Variants in PRKCB observed in about 807,000 individuals in gnomAD.
PRKCB encodes the protein protein kinase C beta type.
In PRKCB, 13 loss-of-function variants were observed where a neutral mutation model predicts 81.5. That is an observed-to-expected ratio of 0.16 (90% CI 0.10 to 0.25). PRKCB has a LOEUF of 0.25. PRKCB is among the 10% of genes least tolerant of loss of function. The pLI is 1.00. For missense variants in PRKCB, 509 were observed against 875.7 expected, an observed-to-expected ratio of 0.58 and a Z score of 5.29; for synonymous variants, 335 against 321.4, an observed-to-expected ratio of 1.04 and a Z score of -0.45.
intron 10 of PRKCB, among the ~76,000 whole-genome samples, chr16:24,162,284 G>C (rs1967268965): frequency 6.6e-6 from 1 of 152,008 alleles, no homozygotes; most frequent in Non-Finnish European, 1.5e-5. Flanking sequence ...GCTCTGGGCT[G>C]GCAGCAGTAC....
At chr16:24,191,362 C>A in intron 16 of PRKCB, 132 bp downstream of exon 16, 1 of 951,512 alleles carries the variant, frequency 1.1e-6, no homozygotes, top group Non-Finnish European at 1.6e-6. Flanking sequence ...TATGTATTCA[C>A]ACATATGCAC....
At chr16:24,031,357 G>A (rs567927821) in intron 3 of PRKCB, among the ~76,000 whole-genome samples, 8 of 152,290 alleles carry the variant, frequency 5.3e-5, no homozygotes, top group African/African-American at 1.9e-4. Context: ...CCAAGTTTGG[G>A]TCCAGGACAG....
intron 9 of PRKCB, among the ~76,000 whole-genome samples, chr16:24,149,526 C>G (rs573922088): frequency 3.9e-5 from 6 of 152,140 alleles, no homozygotes; most frequent in Non-Finnish European, 7.3e-5. Context: ...CTCCTAGCCA[C>G]CTTATTAAAT....
Position 24,219,870 on chromosome 16 carries a change from G to A in PRKCB, c.*5054G>A. 1 of 1,504,900 alleles carries A rather than the reference G, an allele frequency of 6.6e-7. No individual in the cohort carries two copies. The highest frequency in any genetic ancestry group is 1.4e-5 in the African/African-American group (1 of 71,772). The allele number at this position is 1,504,900 out of a possible 1,614,324, so 93.2% of individuals were successfully genotyped here. A position where few individuals can be genotyped will look rare whatever the true frequency, so the allele number is the denominator to read the frequency against. ...CAGGGCTCTTTCTGACTCTGCTCATGAGATGGTATCAGCCACCCAATGACT... is the reference window on the plus strand; with the variant it reads ...CAGGGCTCTTTCTGACTCTGCTCATAAGATGGTATCAGCCACCCAATGACT... On this transcript the variant is annotated 3_prime_UTR_variant, in exon 17 of 17. Transcript: ENST00000643927.
rs532312092 is a variant in PRKCB at position 24,000,485 on chromosome 16, T to A, written c.288+11895T>A. On this transcript the variant is annotated intron_variant, in intron 3 of 16. Coordinates refer to ENST00000643927, the MANE Select transcript of PRKCB (RefSeq NM_002738.7). ...GATACTCATTAGGAAAACTTGGGCA[T>A]GTCGTTCGACTTCTCTATGCCCTAG... Among the ~76,000 whole-genome samples the A allele has an allele frequency of 4.6e-5, 7 of 152,366 alleles. No homozygotes were observed. The South Asian group carries it at 1.5e-3, about 32-fold the overall frequency.
At chr16:24,098,762 T>C (rs1277211965) in intron 7 of PRKCB, 2 of 152,180 alleles carry the variant, frequency 1.3e-5, no homozygotes, top group Non-Finnish European at 2.9e-5. Flanking sequence ...AAAGTTAACA[T>C]GTATCTTTGC....
intron 3 of PRKCB, among the ~76,000 whole-genome samples, chr16:24,004,144 T>C (rs1171104618): frequency 6.6e-6 from 1 of 152,014 alleles, no homozygotes; most frequent in Non-Finnish European, 1.5e-5. Context: ...CTGGAAAGCA[T>C]AAATTTAGAT....
At chr16:24,009,060 T>G (rs1016148312) in intron 3 of PRKCB, among the ~76,000 whole-genome samples, 3 of 152,204 alleles carry the variant, frequency 2.0e-5, no homozygotes, top group Non-Finnish European at 2.9e-5. Flanking sequence ...AAATATTCCA[T>G]CATATGCATA....
intron 2 of PRKCB, among the ~76,000 whole-genome samples, chr16:23,977,803 C>G (rs538903333): frequency 6.6e-6 from 1 of 152,254 alleles, no homozygotes; most frequent in Non-Finnish European, 1.5e-5. Context: ...TCTAGCTTGT[C>G]TGTGTTGGGG....
chr16:24,037,964 G>C (rs780125356), intron 5 of PRKCB, among the ~76,000 whole-genome samples: 14 of 152,094 alleles, frequency 9.2e-5, no homozygotes, highest in Non-Finnish European at 1.9e-4. Flanking sequence ...GAGGTGGGTG[G>C]ATCACTTGAA....
At chr16:23,856,399 A>G (rs1265223701) in intron 2 of PRKCB, among the ~76,000 whole-genome samples, 1 of 152,198 alleles carries the variant, frequency 6.6e-6, no homozygotes, top group Non-Finnish European at 1.5e-5. Flanking sequence ...TATGTTTTTT[A>G]AACTGTGGGT....
At chr16:24,013,781 CAAA>C (rs35383807) in intron 3 of PRKCB, among the ~76,000 whole-genome samples, 1 of 138,026 alleles carries the variant, frequency 7.2e-6, no homozygotes, top group African/African-American at 2.7e-5. Context: ...TGTGGAATTG[CAAA>C]AAAAAAAAAA....
chr16:24,083,020 A>T (rs1301053078), intron 5 of PRKCB, among the ~76,000 whole-genome samples: 3 of 152,230 alleles, frequency 2.0e-5, no homozygotes, highest in Non-Finnish European at 4.4e-5. Context: ...AATGTAATCT[A>T]AAAACCTGAA....
At chr16:23,841,200 C>T (rs1365668660) in intron 2 of PRKCB, among the ~76,000 whole-genome samples, 2 of 152,060 alleles carry the variant, frequency 1.3e-5, no homozygotes, top group Non-Finnish European at 2.9e-5. Context: ...CTGCCTCAGC[C>T]TCCCAGGTTG....
At position 24,185,138 on chromosome 16, in the gene PRKCB, T is replaced by G; in HGVS notation, c.1561T>G (p.Ser521Ala). Residue 521 changes from serine to alanine, a missense_variant, in exon 14 of 17, where the codon TCC becomes GCC. Coordinates refer to ENST00000643927, the MANE Select transcript of PRKCB (RefSeq NM_002738.7). ...EIIAYQPYGK[S>A]VDWWAFGVLL... ...AATTGCTTATCAGCCCTATGGGAAG[T>G]CCGTGGATTGGTGGGCATTTGGAGT... The G allele has an allele frequency of 6.2e-7, 1 of 1,614,170 alleles. No individual in the cohort carries two copies.
intron 11 of PRKCB, among the ~76,000 whole-genome samples, chr16:24,173,688 C>T (rs1567401704): frequency 6.6e-6 from 1 of 152,234 alleles, no homozygotes; most frequent in Non-Finnish European, 1.5e-5. Context: ...TGTGGCATAA[C>T]TGGGCTTCCC....
intron 2 of PRKCB, among the ~76,000 whole-genome samples, chr16:23,874,653 G>A (rs1962967244): frequency 6.7e-6 from 1 of 148,608 alleles, no homozygotes; most frequent in Admixed American, 6.7e-5. Flanking sequence ...GTGTTGGTAA[G>A]TTCATTATTT....
At chr16:24,011,858 T>C (rs1401352278) in intron 3 of PRKCB, among the ~76,000 whole-genome samples, 1 of 152,200 alleles carries the variant, frequency 6.6e-6, no homozygotes, top group South Asian at 2.1e-4. Context: ...AAGATGATAA[T>C]ATACTACTTC....
Position 24,217,767 on chromosome 16 carries a change from CT to C in PRKCB, c.*2952del. 1 of 985,186 alleles carries C rather than the reference CT, an allele frequency of 1.0e-6. No individual in the cohort carries two copies. Among genetic ancestry groups the C allele is most frequent in the Non-Finnish European group, 1.2e-6 (1 of 829,878 alleles). The allele number at this position is 985,186 out of a possible 1,614,324, so 61.0% of individuals were successfully genotyped here. A position where few individuals can be genotyped will look rare whatever the true frequency, so the allele number is the denominator to read the frequency against. On this transcript the variant is annotated 3_prime_UTR_variant, in exon 17 of 17. Coordinates refer to ENST00000643927, the MANE Select transcript of PRKCB (RefSeq NM_002738.7). ...TAGGGTTGATGAGACCAGGGGAGAC[CT>C]AAAAAAAAGGCAGCTTTGTGTCTTC... is the stretch of plus-strand genomic sequence containing the variant.
Sources: gnomAD v4.1 joint callset for allele counts (sites outside exome capture counted in the v4.1 genomes callset) on GRCh38, gnomAD v4.1.1 for gene constraint, MANE v1.5 for transcripts, NCBI Gene and HGNC (gene_info 2026-07-23, HGNC 2026-07-21) for gene names.